SLC9A4: variants seen among roughly 807,000 people sequenced by gnomAD.
SLC9A4 encodes the protein solute carrier family 9 member A4.
A neutral mutation model predicts 67.4 loss-of-function variants in SLC9A4; 63 were observed. The observed-to-expected ratio is 0.93, with a 90% CI of 0.76 to 1.15. The LOEUF is 1.15. SLC9A4 is among the 50% of genes most tolerant of loss of function. SLC9A4 has a pLI of 0.00. For missense variants in SLC9A4, 1,089 were observed against 987.7 expected, an observed-to-expected ratio of 1.10 and a Z score of -1.38; for synonymous variants, 393 against 367.2, an observed-to-expected ratio of 1.07 and a Z score of -0.80.
At chr2:102,528,455 A>T (rs996135149) in intron 11 of SLC9A4, among the ~76,000 whole-genome samples, 1 of 151,834 alleles carries the variant, frequency 6.6e-6, no homozygotes, top group African/African-American at 2.4e-5. Flanking sequence ...AAAAAGGGAC[A>T]GGGTCTCCCT....
At chr2:102,500,092 C>A (rs1394215970) in intron 2 of SLC9A4, among the ~76,000 whole-genome samples, 1 of 152,164 alleles carries the variant, frequency 6.6e-6, no homozygotes, top group African/African-American at 2.4e-5. Flanking sequence ...TACAGTTATC[C>A]TTATTGAAGG....
chr2:102,507,506 G>C (rs6708949), intron 4 of SLC9A4, among the ~76,000 whole-genome samples: 123,482 of 152,014 alleles, frequency 0.81, 50,905 homozygotes, highest in African/African-American at 0.95. Context: ...AGCTCACTGA[G>C]AGTAAGAAGC....
At chr2:102,495,101 T>C (rs1011008867) in intron 2 of SLC9A4, among the ~76,000 whole-genome samples, 6 of 152,026 alleles carry the variant, frequency 3.9e-5, no homozygotes, top group Non-Finnish European at 7.4e-5. Context: ...GAAGCCTCAA[T>C]AACTTTAGAA....
intron 2 of SLC9A4, among the ~76,000 whole-genome samples, chr2:102,482,140 G>C (rs186557772): frequency 6.6e-6 from 1 of 151,824 alleles, no homozygotes; most frequent in African/African-American, 2.4e-5. Context: ...GAAGCTGCCC[G>C]GGGAGTCTGG....
rs1302673585 is a variant in SLC9A4, at chr2:102,525,819, C to CA, written c.1951-433dup. Among the ~76,000 whole-genome samples, 8 of 152,098 alleles carry CA rather than the reference C, an allele frequency of 5.3e-5. No homozygotes were observed. The East Asian group carries it at 1.6e-3, about 30-fold the overall frequency. On this transcript the variant is annotated intron_variant, in intron 10 of 11. Transcript: ENST00000295269. Reference sequence around the variant, plus strand: ...ACTGGCGTGTTCTGCTTTCTCAAAACAAAAAAACTAAAAGCCAGTAATCCA... The same window carrying CA: ...ACTGGCGTGTTCTGCTTTCTCAAAACAAAAAAAACTAAAAGCCAGTAATCCA...
At chr2:102,513,654 T>C (rs1440850465) in intron 7 of SLC9A4, among the ~76,000 whole-genome samples, 2 of 152,246 alleles carry the variant, frequency 1.3e-5, no homozygotes, top group Non-Finnish European at 2.9e-5. Context: ...TTTAAACTTA[T>C]TGGGTTCTGG....
chr2:102,474,129 T>A (rs1684279730), intron 1 of SLC9A4, 114 bp downstream of exon 1: 3 of 1,260,650 alleles, frequency 2.4e-6, no homozygotes, highest in East Asian at 4.7e-5. Context: ...GCTATTACAT[T>A]AAAAATTCTC....
At chr2:102,504,540 C>T (rs968102877) in intron 3 of SLC9A4, among the ~76,000 whole-genome samples, 3 of 152,302 alleles carry the variant, frequency 2.0e-5, no homozygotes, top group Admixed American at 2.0e-4. Context: ...AGATGTTTAT[C>T]TTTGAATGAG....
rs1346040555 is a variant in SLC9A4 at position 102,514,245 on chromosome 2, C to G, written c.1715C>G (p.Pro572Arg). ...GILSSTAFSI[P>R]HQAQRIQGIK... ...CTGAGCTCTACAGCTTTCTCCATAC[C>G]CCATCAGTGAGTCATATCTGTTCTT... Residue 572 changes from proline to arginine, a missense_variant, in exon 8 of 12, where the codon CCC becomes CGC. Coordinates refer to ENST00000295269, the MANE Select transcript of SLC9A4 (RefSeq NM_001011552.4). 1.2e-6 allele frequency: 2 copies of G among 1,606,148 alleles called. No individual in the cohort carries two copies. The highest frequency in any genetic ancestry group is 1.7e-6 in the Non-Finnish European group (2 of 1,174,726).
At position 102,480,433 on chromosome 2, in the gene SLC9A4, G is replaced by A. The variant is rs138183431; in HGVS notation, c.720+1131G>A. On this transcript the variant is annotated intron_variant, in intron 2 of 11. Coordinates refer to ENST00000295269, the MANE Select transcript of SLC9A4 (RefSeq NM_001011552.4). The stretch of plus-strand genomic sequence containing the variant: ...GGCTGGAGTGCAATGATGCAGCCTC[G>A]GCTCACTGCAACCGTGTCTGGCCCT... Among the ~76,000 whole-genome samples, 346 of 151,154 alleles carry A rather than the reference G, an allele frequency of 2.3e-3. 2 individuals are homozygous for A. Among genetic ancestry groups the A allele is most frequent in the African/African-American group, 8.1e-3 (332 of 41,098 alleles).
intron 8 of SLC9A4, among the ~76,000 whole-genome samples, chr2:102,519,292 C>A (rs1338485835): frequency 1.3e-5 from 2 of 152,146 alleles, no homozygotes; most frequent in Non-Finnish European, 2.9e-5. Context: ...AAGATAAAAT[C>A]CCTACAGATA....
At chr2:102,493,113 G>A (rs1192867846) in intron 2 of SLC9A4, among the ~76,000 whole-genome samples, 1 of 152,174 alleles carries the variant, frequency 6.6e-6, no homozygotes, top group Non-Finnish European at 1.5e-5. Flanking sequence ...AAGTCTTTAG[G>A]AAGTTTCAAA....
rs759215228 is a variant in SLC9A4, at chr2:102,526,355, C to T, written c.2038+9C>T. 4.8e-5 allele frequency: 78 copies of T among 1,612,832 alleles called. No homozygotes were observed. Among genetic ancestry groups the T allele is most frequent in the Non-Finnish European group, 6.1e-5 (72 of 1,179,192 alleles). ...GGCTGCTGGGTTCTCAGGTAAGCTG[C>T]CCACCTGGCTGCTCTGCTGCTTTTC... On this transcript the variant is annotated intron_variant, in intron 11 of 11. Transcript: ENST00000295269.
chr2:102,526,156 G>C (rs1351152190), intron 10 of SLC9A4, 103 bp from the exon 11 acceptor site: 1 of 1,223,978 alleles, frequency 8.2e-7, no homozygotes, highest in East Asian at 2.6e-5. Context: ...CCAAAGTGCT[G>C]GGATTACAGG....
In SLC9A4 at chr2:102,514,196, A is replaced by G; in HGVS notation, c.1666A>G (p.Ile556Val). The G allele has an allele frequency of 3.1e-6, 5 of 1,614,170 alleles. No individual in the cohort carries two copies. The highest frequency in any genetic ancestry group is 1.6e-4 in the Middle Eastern group (1 of 6,062). The change falls in exon 8 of 12, where the codon ATC becomes GTC. Residue 556 changes from isoleucine to valine, a missense_variant. By Grantham distance (29) the Ile-to-Val change is conservative. Coordinates refer to ENST00000295269, the MANE Select transcript of SLC9A4 (RefSeq NM_001011552.4). ...LYKKLEMKQA[I>V]EMVETGILSS... ...CAAGAAGCTGGAAATGAAGCAAGCCATCGAGATGGTGGAGACTGGGATACT... is the reference window on the plus strand; with the variant it reads ...CAAGAAGCTGGAAATGAAGCAAGCCGTCGAGATGGTGGAGACTGGGATACT...
intron 4 of SLC9A4, 36 bp downstream of exon 4, chr2:102,505,507 G>A (rs1334026445): frequency 2.3e-5 from 37 of 1,593,212 alleles, no homozygotes; most frequent in Non-Finnish European, 3.0e-5. Flanking sequence ...CTCCGGTCCT[G>A]CTGCATTTTC....
At position 102,503,588 on chromosome 2, in the gene SLC9A4, T is replaced by G. The variant is rs1210534291; in HGVS notation, c.861T>G (p.Ile287Met). 13 of 1,614,088 alleles carry G rather than the reference T, an allele frequency of 8.1e-6. 1 individual carries two copies. Among genetic ancestry groups the G allele is most frequent in the East Asian group, 4.5e-5 (2 of 44,898 alleles). The part of the protein sequence containing the change: ...GVLFGIVFGF[I>M]SAFITRFTQN... ...TGTTTGGCATCGTTTTTGGATTTAT[T>G]TCTGCATTTATCACACGTTTCACTC... is the stretch of plus-strand genomic sequence containing the variant. The change falls in exon 3 of 12, where the codon ATT (isoleucine) becomes ATG (methionine). Residue 287 changes from isoleucine to methionine, a missense_variant. Physicochemically the swap from Ile to Met is conservative, Grantham distance 10. Coordinates refer to ENST00000295269, the MANE Select transcript of SLC9A4 (RefSeq NM_001011552.4).
intron 9 of SLC9A4, among the ~76,000 whole-genome samples, chr2:102,521,375 C>T (rs1020813007): frequency 6.6e-6 from 1 of 152,198 alleles, no homozygotes; most frequent in Non-Finnish European, 1.5e-5. Context: ...CTAAGCCATA[C>T]AGCACCTCCC....
intron 2 of SLC9A4, among the ~76,000 whole-genome samples, chr2:102,491,225 G>T (rs913351391): frequency 6.6e-6 from 1 of 151,148 alleles, no homozygotes; most frequent in Non-Finnish European, 1.5e-5. Flanking sequence ...TTGTCATTTC[G>T]GAGCCTCATC....
Sources: gnomAD v4.1 joint callset for allele counts (sites outside exome capture counted in the v4.1 genomes callset) on GRCh38, gnomAD v4.1.1 for gene constraint, MANE v1.5 for transcripts, NCBI Gene and HGNC (gene_info 2026-07-23, HGNC 2026-07-21) for gene names.